ANKLE2: variants seen among roughly 807,000 people sequenced by gnomAD.
The protein encoded by ANKLE2 is ankyrin repeat and LEM domain-containing protein 2.
In ANKLE2, 55 loss-of-function variants were observed where a neutral mutation model predicts 84.2. That is an observed-to-expected ratio of 0.65 (90% CI 0.53 to 0.82). The LOEUF (loss-of-function observed/expected upper bound fraction) is 0.82, where lower values mean the gene tolerates loss of function less well. Ranked by LOEUF, ANKLE2 falls within the 40% of genes least tolerant of loss-of-function variation. ANKLE2 has a pLI of 0.00. For missense variants in ANKLE2, 1,238 were observed against 1,201.9 expected, an observed-to-expected ratio of 1.03 and a Z score of -0.44; for synonymous variants, 551 against 486.1, an observed-to-expected ratio of 1.13 and a Z score of -1.76.
Position 132,727,110 on chromosome 12 carries a change from T to TA in ANKLE2, c.*131dup. 1.0e-6 allele frequency: 1 copy of TA among 1,004,838 alleles called. No homozygotes were observed. Among genetic ancestry groups the TA allele is most frequent in the East Asian group, 2.7e-5 (1 of 37,668 alleles). 62.2% of individuals were successfully genotyped at this position (1,004,838 alleles called of 1,614,324 possible). ...TGTTATATAGAACATTTAAATCTTC[T>TA]AAAATTCTCACACCCTCAAAGTGAG... On this transcript the variant is annotated 3_prime_UTR_variant, in exon 13 of 13. Transcript: ENST00000357997.
chr12:132,740,959 A>G (rs1009242762), intron 7 of ANKLE2, among the ~76,000 whole-genome samples: 22 of 150,670 alleles, frequency 1.5e-4, no homozygotes, highest in African/African-American at 5.1e-4. Context: ...AAGGAGTGAC[A>G]GGGAGCGACC....
In ANKLE2 at chr12:132,730,084, C is replaced by T; in HGVS notation, c.2078G>A (p.Gly693Asp). ...GAGCCCATTTCTGCTGCTGTGTGGA[C>T]CTCCCGGCTCGGCGGCTTCTATGAG... ...ADLIEAAEPG[G>D]PHSSRNGLCH... Residue 693 changes from glycine (G) to aspartate (D), a missense_variant, in exon 11 of 13, where the codon GGT becomes GAT. Around this residue, in one of 3 missense-constraint regions of ANKLE2, gnomAD observed 802 missense variants for 774.5 expected, o/e 1.04. Coordinates refer to ENST00000357997, the MANE Select transcript of ANKLE2 (RefSeq NM_015114.3). 1 of 1,612,468 alleles carries T rather than the reference C, an allele frequency of 6.2e-7. No homozygotes were observed. The highest frequency in any genetic ancestry group is 8.5e-7 in the Non-Finnish European group (1 of 1,179,618).
intron 2 of ANKLE2, among the ~76,000 whole-genome samples, chr12:132,752,036 A>T (rs1053827237): frequency 6.6e-6 from 1 of 152,150 alleles, no homozygotes; most frequent in Non-Finnish European, 1.5e-5. Context: ...GTTACTGTCC[A>T]CTACTGGATA....
rs574750659 is a variant in ANKLE2 at position 132,731,878 on chromosome 12, T to TTGCATCGTGGTGTCTGATA, written c.1892-1627_1892-1609dup. 2.2e-3 allele frequency: 334 copies of TTGCATCGTGGTGTCTGATA among 152,302 alleles called. 1 individual carries two copies. The highest frequency in any genetic ancestry group is 7.3e-3 in the African/African-American group (304 of 41,468). 9.4% of individuals were successfully genotyped at this position (152,302 alleles called of 1,614,324 possible). On this transcript the variant is annotated intron_variant, in intron 10 of 12. Transcript: ENST00000357997. ...AGTGCATCTGTGCTTTGGAAGCACTTTGCATCGTGGTGTCTGATATGCACC... is the reference window on the plus strand; with the variant it reads ...AGTGCATCTGTGCTTTGGAAGCACTTTGCATCGTGGTGTCTGATATGCATCGTGGTGTCTGATATGCACC...
chr12:132,754,288 G>T (rs1350342818), intron 2 of ANKLE2, among the ~76,000 whole-genome samples: 1 of 152,092 alleles, frequency 6.6e-6, no homozygotes, highest in Non-Finnish European at 1.5e-5. Flanking sequence ...ACAAATCTTT[G>T]ATGCTGAAAA....
intron 2 of ANKLE2, among the ~76,000 whole-genome samples, chr12:132,753,413 C>T (rs531105488): frequency 9.9e-5 from 15 of 151,974 alleles, no homozygotes; most frequent in African/African-American, 3.4e-4. Flanking sequence ...GTGGGTGGAT[C>T]GCTTGAGGGC....
intron 7 of ANKLE2, chr12:132,737,576 G>A (rs1409086046): frequency 2.0e-5 from 3 of 152,306 alleles, no homozygotes; most frequent in African/African-American, 4.8e-5. Flanking sequence ...TTAGCCGGGT[G>A]TGGTGGTGGG....
intron 7 of ANKLE2, 120 bp from the exon 8 acceptor site, chr12:132,737,185 C>T (rs1460732984): frequency 8.1e-6 from 9 of 1,105,280 alleles, no homozygotes; most frequent in Middle Eastern, 3.1e-4. Context: ...ATCCAACAGA[C>T]GGGGCAGAGG....
chr12:132,746,561 C>G (rs2136154348), intron 5 of ANKLE2, among the ~76,000 whole-genome samples: 1 of 152,176 alleles, frequency 6.6e-6, no homozygotes, highest in South Asian at 2.1e-4. Flanking sequence ...AACTGAATAT[C>G]AACAACTGCC....
At chr12:132,756,311 A>G in intron 1 of ANKLE2, 1 of 151,886 alleles carries the variant, frequency 6.6e-6, no homozygotes, top group Admixed American at 6.6e-5. Flanking sequence ...TGGAGGTTGC[A>G]GTGAGCCGAA....
rs1440539163 is a variant in ANKLE2, at chr12:132,730,051, G to C, written c.2111C>G (p.Pro704Arg). The change falls in exon 11 of 13, where the codon CCT (proline) becomes CGT (arginine). Residue 704 changes from proline (P) to arginine (R), a missense_variant. By Grantham distance (103) the Pro-to-Arg change is moderately radical. This residue lies in a region of ANKLE2 where 802 missense variants were observed against 774.5 expected (regional missense o/e 1.04). Coordinates refer to ENST00000357997, the MANE Select transcript of ANKLE2 (RefSeq NM_015114.3). ...PHSSRNGLCH[P>R]LNHSRTLAGK... is the part of the protein sequence containing the mutation. ...CGCCAGGGTCCTGCTGTGATTCAGA[G>C]GATGGCAGAGCCCATTTCTGCTGCT... is the stretch of plus-strand genomic sequence containing the variant. 6.2e-7 allele frequency: 1 copy of C among 1,612,874 alleles called. No homozygotes were observed. Among genetic ancestry groups the C allele is most frequent in the Non-Finnish European group, 8.5e-7 (1 of 1,179,808 alleles).
intron 3 of ANKLE2, chr12:132,748,943 C>T (rs1296246144): frequency 6.7e-6 from 1 of 149,828 alleles, no homozygotes; most frequent in Non-Finnish European, 1.5e-5. Flanking sequence ...CTCCTGGCTT[C>T]AAGGGATCCT....
chr12:132,748,666 G>A (rs895449509), intron 3 of ANKLE2, among the ~76,000 whole-genome samples: 1 of 152,166 alleles, frequency 6.6e-6, no homozygotes, highest in Non-Finnish European at 1.5e-5. Context: ...ATCTTGCTGG[G>A]AAAGGCTCTG....
At position 132,729,761 on chromosome 12, in the gene ANKLE2, T is replaced by C; in HGVS notation, c.2401A>G (p.Met801Val). ...CTGGGGCTGCTGGGACTCAAGGACA[T>C]TTTAGCGATCCTGGCTGACATTTCA... ...ESEMSARIAK[M>V]SLSPSSPRHE... The change falls in exon 11 of 13, where the codon ATG becomes GTG. Residue 801 changes from methionine to valine, a missense_variant. Met to Val is a conservative substitution (Grantham distance 21, BLOSUM62 1). Transcript: ENST00000357997. 2 of 1,611,944 alleles carry C rather than the reference T, an allele frequency of 1.2e-6. No homozygotes were observed. The highest frequency in any genetic ancestry group is 1.7e-6 in the Non-Finnish European group (2 of 1,179,548).
chr12:132,726,562 A>G lies in ANKLE2; in HGVS notation c.*680T>C, dbSNP rs1477411530. 1.3e-5 allele frequency: 2 copies of G among 152,200 alleles called. No individual in the cohort carries two copies. The highest frequency in any genetic ancestry group is 4.8e-5 in the African/African-American group (2 of 41,448). The allele number at this position is 152,200 out of a possible 1,614,324, so 9.4% of individuals were successfully genotyped here. Reference sequence around the variant, plus strand: ...TGCTGAGCTCTGTGTTGCTCCTGGTATCACTCCCACGGGCTGCAAGACTTC... The same window carrying G: ...TGCTGAGCTCTGTGTTGCTCCTGGTGTCACTCCCACGGGCTGCAAGACTTC... On this transcript the variant is annotated 3_prime_UTR_variant, in exon 13 of 13. Transcript: ENST00000357997.
In ANKLE2 at chr12:132,743,050, T is replaced by C; in HGVS notation, c.1353+104A>G. On this transcript the variant is annotated intron_variant, in intron 6 of 12. Transcript: ENST00000357997. The surrounding 1 kb of genome is among the most constrained non-coding windows in gnomAD (Gnocchi z 4.1). ...GTGCCCATAAAGCAAACACAACTCATACAGAGCTCCTTGTGGCTTCCCTGT... is the reference window on the plus strand; with the variant it reads ...GTGCCCATAAAGCAAACACAACTCACACAGAGCTCCTTGTGGCTTCCCTGT... 8.8e-7 allele frequency: 1 copy of C among 1,134,020 alleles called. No individual in the cohort carries two copies. The highest frequency in any genetic ancestry group is 2.9e-5 in the Admixed American group (1 of 34,010). The allele number at this position is 1,134,020 out of a possible 1,614,324, so 70.2% of individuals were successfully genotyped here.
chr12:132,735,361 A>ACC, intron 9 of ANKLE2, 45 bp downstream of exon 9: 2 of 1,546,068 alleles, frequency 1.3e-6, no homozygotes, highest in Non-Finnish European at 1.8e-6. Flanking sequence ...ATCAAAATGC[A>ACC]ACCAACTGTG....
intron 3 of ANKLE2, among the ~76,000 whole-genome samples, chr12:132,750,014 T>A (rs1338709746): frequency 6.6e-6 from 1 of 151,542 alleles, no homozygotes; most frequent in East Asian, 2.0e-4. Context: ...AAAAAAAGTT[T>A]AAATTCTAGC....
At chr12:132,730,568 A>C in intron 10 of ANKLE2, 1 of 380,044 alleles carries the variant, frequency 2.6e-6, no homozygotes, top group Non-Finnish European at 4.9e-6. Flanking sequence ...CACGCCTGCA[A>C]TCCCAGCACT....
Sources: allele counts gnomAD v4.1 joint callset (sites outside exome capture counted in the v4.1 genomes callset), GRCh38; gene constraint gnomAD v4.1.1; regional missense constraint gnomAD v4.1.1; non-coding constraint Gnocchi (gnomAD v3.1); transcripts MANE v1.5; gene names NCBI Gene and HGNC (gene_info 2026-07-23, HGNC 2026-07-21).